Variants in UGT2B28 observed in about 807,000 individuals in gnomAD.
UGT2B28 encodes the protein UDP-glucuronosyltransferase 2B28.
A neutral mutation model predicts 43.6 loss-of-function variants in UGT2B28; 45 were observed. The observed-to-expected ratio is 1.03, with a 90% CI of 0.81 to 1.32. The LOEUF is 1.32. Among genes scored for constraint, UGT2B28 ranks in the 40% most tolerant of loss-of-function variants. The probability of loss-of-function intolerance (pLI) is 0.00; values close to 1 mark genes in which losing one functional copy is unlikely to be tolerated. For missense variants in UGT2B28, 649 were observed against 625.5 expected (o/e 1.04, Z -0.40); for synonymous variants, 204 against 208.1 (o/e 0.98, Z 0.17).
chr4:69,286,651 C>T, intron 2 of UGT2B28, 101 bp from the exon 3 acceptor site: 4 of 1,409,784 alleles, frequency 2.8e-6, no homozygotes, highest in Non-Finnish European at 3.8e-6. Context: ...CCAATAATTC[C>T]TCAAAATACT....
rs1465986957 is a variant in UGT2B28, at chr4:69,294,901, T to C, written c.*92T>C. On this transcript the variant is annotated 3_prime_UTR_variant, in exon 6 of 6. Transcript: ENST00000335568. ...AGAAAAGATTGTTATGCAAGATTTCTTTCTTCCTGTGACAAAAAAAAAAAC... is the reference window on the plus strand; with the variant it reads ...AGAAAAGATTGTTATGCAAGATTTCCTTCTTCCTGTGACAAAAAAAAAAAC... 6.6e-6 allele frequency: 9 copies of C among 1,369,816 alleles called. 1 individual carries two copies. The highest frequency in any genetic ancestry group is 8.5e-6 in the Non-Finnish European group (9 of 1,057,736). 84.9% of individuals were successfully genotyped at this position (1,369,816 alleles called of 1,614,324 possible). A position where few individuals can be genotyped will look rare whatever the true frequency, so the allele number is the denominator to read the frequency against.
At position 69,280,604 on chromosome 4, in the gene UGT2B28, A is replaced by G; in HGVS notation, c.104A>G (p.His35Arg). Residue 35 changes from histidine (H) to arginine (R), a missense_variant, in exon 1 of 6, where the codon CAT becomes CGT. Physicochemically the swap from His to Arg is conservative, Grantham distance 29 (BLOSUM62 0). Transcript: ENST00000335568. ...CTGGTGTGGACCGGTGAATACAGCC[A>G]TTGGATGAATATGAAGACAATCCTG... ...KVLVWTGEYS[H>R]WMNMKTILKE... is the part of the protein sequence containing the mutation. 1 of 1,560,844 alleles carries G rather than the reference A, an allele frequency of 6.4e-7. No homozygotes were observed. Among genetic ancestry groups the G allele is most frequent in the Non-Finnish European group, 8.7e-7 (1 of 1,155,882 alleles).
In UGT2B28 at chr4:69,293,624, C is replaced by A. The variant is rs970131480; in HGVS notation, c.1311-906C>A. On this transcript the variant is annotated intron_variant, in intron 5 of 5. Transcript: ENST00000335568. The stretch of plus-strand genomic sequence containing the variant: ...CCTTGGGTTGCAGCAAGAAAGAGTA[C>A]TCCAAGAGCAGGAGAGAAGGAACAA... Among the ~76,000 whole-genome samples the A allele has an allele frequency of 1.4e-5, 2 of 139,042 alleles. 1 individual carries two copies. Among genetic ancestry groups the A allele is most frequent in the African/African-American group, 5.6e-5 (2 of 35,410 alleles). 91.2% of individuals were successfully genotyped at this position (139,042 alleles called of 152,430 possible). A position where few individuals can be genotyped will look rare whatever the true frequency, so the allele number is the denominator to read the frequency against.
intron 4 of UGT2B28, 96 bp from the exon 5 acceptor site, chr4:69,290,496 T>C (rs1723919735): frequency 2.8e-6 from 4 of 1,425,208 alleles, no homozygotes; most frequent in African/African-American, 1.6e-5. Context: ...ATTAGTTTAA[T>C]GTGTTATCTA....
In UGT2B28 at chr4:69,292,656, A is replaced by G. The variant is rs765221144; in HGVS notation, c.1310+1845A>G. On this transcript the variant is annotated intron_variant, in intron 5 of 5. Transcript: ENST00000335568. ...ACATATATACATATACAATACACAT[A>G]TATGTATTGTATATATCAACTTGAA... Among the ~76,000 whole-genome samples, 25 of 140,182 alleles carry G rather than the reference A, an allele frequency of 1.8e-4. 2 individuals are homozygous for G. The highest frequency in any genetic ancestry group is 3.3e-4 in the African/African-American group (12 of 36,046). The allele number at this position is 140,182 out of a possible 152,430, so 92.0% of individuals were successfully genotyped here.
intron 1 of UGT2B28, 91 bp downstream of exon 1, chr4:69,281,312 G>T (rs529581752): frequency 1.5e-6 from 2 of 1,330,574 alleles, no homozygotes; most frequent in East Asian, 2.5e-5. Flanking sequence ...CAGGGAAGTG[G>T]AGTTTTTGGT....
Position 69,295,020 on chromosome 4 carries a change from A to T in UGT2B28, c.*211A>T, listed in dbSNP as rs1178527999. The T allele has an allele frequency of 3.7e-6, 2 of 534,342 alleles. No homozygotes were observed. Among genetic ancestry groups the T allele is most frequent in the Non-Finnish European group, 5.5e-6 (2 of 365,992 alleles). 33.1% of individuals were successfully genotyped at this position (534,342 alleles called of 1,614,324 possible). Reference sequence around the variant, plus strand: ...AATATTCTGTGGCAATGAAGAAAACACTAGGGAAAATAAAAAATAATATAA... The same window carrying T: ...AATATTCTGTGGCAATGAAGAAAACTCTAGGGAAAATAAAAAATAATATAA... On this transcript the variant is annotated 3_prime_UTR_variant, in exon 6 of 6. Coordinates refer to ENST00000335568, the MANE Select transcript of UGT2B28 (RefSeq NM_053039.2).
intron 3 of UGT2B28, among the ~76,000 whole-genome samples, chr4:69,287,257 T>G (rs1723806724): frequency 1.4e-5 from 2 of 140,994 alleles, no homozygotes; most frequent in South Asian, 4.7e-4. Context: ...TGGTGCCTAA[T>G]GTAGTCTTTA....
At chr4:69,281,888 A>G (rs1723621428) in intron 1 of UGT2B28, among the ~76,000 whole-genome samples, 1 of 140,654 alleles carries the variant, frequency 7.1e-6, no homozygotes, top group Non-Finnish European at 1.5e-5. Flanking sequence ...TAAAAATATG[A>G]GACAGATTAA....
chr4:69,291,879 C>G (rs564598190), intron 5 of UGT2B28, among the ~76,000 whole-genome samples: 1 of 140,088 alleles, frequency 7.1e-6, no homozygotes, highest in African/African-American at 2.8e-5. Flanking sequence ...TGTCAAACCC[C>G]TTATTGTCTG....
At chr4:69,290,176 A>G (rs1723910397) in intron 4 of UGT2B28, among the ~76,000 whole-genome samples, 1 of 140,054 alleles carries the variant, frequency 7.1e-6, no homozygotes, top group African/African-American at 2.8e-5. Flanking sequence ...AAGTAGTGAC[A>G]CATTTCATGA....
intron 2 of UGT2B28, among the ~76,000 whole-genome samples, chr4:69,286,235 T>G (rs1450437094): frequency 2.8e-5 from 4 of 141,590 alleles, no homozygotes; most frequent in Non-Finnish European, 4.5e-5. Context: ...TAAATGTAGA[T>G]ATAAAATTAT....
chr4:69,286,977 C>T lies in UGT2B28; in HGVS notation c.1002+94C>T. On this transcript the variant is annotated intron_variant, in intron 3 of 5. Coordinates refer to ENST00000335568, the MANE Select transcript of UGT2B28 (RefSeq NM_053039.2). ...GAAAGAATATTAAGGCTAGACTGAACTCTTTACAGCCAAATACAGTCTTAA... is the reference window on the plus strand; with the variant it reads ...GAAAGAATATTAAGGCTAGACTGAATTCTTTACAGCCAAATACAGTCTTAA... The T allele has an allele frequency of 2.7e-6, 4 of 1,490,874 alleles. 1 individual carries two copies. The highest frequency in any genetic ancestry group is 3.6e-6 in the Non-Finnish European group (4 of 1,122,122). The allele number at this position is 1,490,874 out of a possible 1,614,324, so 92.4% of individuals were successfully genotyped here. A position where few individuals can be genotyped will look rare whatever the true frequency, so the allele number is the denominator to read the frequency against.
chr4:69,288,645 T>G (rs1478206030), intron 3 of UGT2B28, among the ~76,000 whole-genome samples: 1 of 139,870 alleles, frequency 7.1e-6, no homozygotes, highest in African/African-American at 2.8e-5. Context: ...TTTACATAGG[T>G]AAACTTGTGT....
At chr4:69,283,909 G>T (rs563408076) in intron 2 of UGT2B28, among the ~76,000 whole-genome samples, 1 of 140,202 alleles carries the variant, frequency 7.1e-6, no homozygotes, top group Non-Finnish European at 1.5e-5. Flanking sequence ...AAATTCTACC[G>T]TAAGTAATAA....
chr4:69,282,377 A>G (rs1358916841), intron 1 of UGT2B28, 137 bp from the exon 2 acceptor site: 2 of 774,022 alleles, frequency 2.6e-6, no homozygotes, highest in African/African-American at 4.4e-5. Context: ...ATTCATATAC[A>G]TGAATATATG....
At chr4:69,288,793 A>G (rs1280043282) in intron 3 of UGT2B28, among the ~76,000 whole-genome samples, 2 of 139,832 alleles carry the variant, frequency 1.4e-5, no homozygotes, top group Admixed American at 7.2e-5. Context: ...CCATCTATGT[A>G]TCCACGTGTT....
At chr4:69,289,239 T>G (rs1206818038) in intron 3 of UGT2B28, among the ~76,000 whole-genome samples, 3 of 139,828 alleles carry the variant, frequency 2.1e-5, no homozygotes, top group Non-Finnish European at 4.6e-5. Context: ...CTATACAATC[T>G]CGCCAACATC....
chr4:69,281,081 T>C lies in UGT2B28; in HGVS notation c.581T>C (p.Ile194Thr), dbSNP rs1330249986. ...GGACTGATTTTCCCTCCTTCCTACA[T>C]ACCTGTTGTTATGTCAAAATTAAGT... Reference protein sequence around the residue: ...SGGLIFPPSYIPVVMSKLSDQ... With the variant: ...SGGLIFPPSYTPVVMSKLSDQ... The change falls in exon 1 of 6, where the codon ATA (isoleucine) becomes ACA (threonine). Residue 194 changes from isoleucine to threonine, a missense_variant. Physicochemically the swap from Ile to Thr is moderately conservative, Grantham distance 89. Coordinates refer to ENST00000335568, the MANE Select transcript of UGT2B28 (RefSeq NM_053039.2). The C allele has an allele frequency of 1.4e-5, 22 of 1,559,686 alleles. 1 individual carries two copies. The highest frequency in any genetic ancestry group is 1.6e-5 in the Non-Finnish European group (19 of 1,155,434).
Sources: gnomAD v4.1 joint callset for allele counts (sites outside exome capture counted in the v4.1 genomes callset) on GRCh38, gnomAD v4.1.1 for gene constraint, MANE v1.5 for transcripts, NCBI Gene and HGNC (gene_info 2026-07-23, HGNC 2026-07-21) for gene names.